RPS7: variants seen among roughly 807,000 people sequenced by gnomAD.
RPS7 encodes the protein small ribosomal subunit protein eS7.
RPS7 carries 1 observed loss-of-function variant against 22.1 expected under a neutral mutation model. The ratio of observed to expected loss-of-function variants is 0.05; its 90% CI spans 0.02 to 0.21. The LOEUF is 0.21. Ranked by LOEUF, RPS7 falls within the 10% of genes least tolerant of loss-of-function variation. The pLI, the probability that RPS7 is intolerant of heterozygous loss-of-function variation, is 1.00. For missense variants in RPS7, 137 were observed against 246.4 expected, an observed-to-expected ratio of 0.56 and a Z score of 2.97; for synonymous variants, 80 against 92.0, an observed-to-expected ratio of 0.87 and a Z score of 0.74.
At chr2:3,579,808 C>T (rs1421073274) in intron 5 of RPS7, 1 of 484,726 alleles carries the variant, frequency 2.1e-6, no homozygotes, top group Non-Finnish European at 3.7e-6. Flanking sequence ...TATAAAAGTC[C>T]TCTAATCTCA....
chr2:3,575,365 T>G lies in RPS7; in HGVS notation c.-19+15T>G. The stretch of plus-strand genomic sequence containing the variant: ...CGCTCGGCAAGGTAGGTTGGCGGCC[T>G]GCTCTCCGACAGAACTTTTCTTCTT... On this transcript the variant is annotated intron_variant, in intron 1 of 6. Coordinates refer to ENST00000645674, the MANE Select transcript of RPS7 (RefSeq NM_001011.4). The G allele has an allele frequency of 1.8e-6, 1 of 551,454 alleles. No individual in the cohort carries two copies. Among genetic ancestry groups the G allele is most frequent in the Non-Finnish European group, 3.2e-6 (1 of 312,436 alleles). The allele number at this position is 551,454 out of a possible 1,614,324, so 34.2% of individuals were successfully genotyped here.
intron 4 of RPS7, 35 bp from the exon 5 acceptor site, chr2:3,577,675 T>C (rs753130074): frequency 6.6e-7 from 1 of 1,506,518 alleles, no homozygotes; most frequent in South Asian, 1.1e-5. Context: ...TAAAGTCTTT[T>C]TTCATTTTGT....
At position 3,576,180 on chromosome 2, in the gene RPS7, A is replaced by G. The variant is rs1489212022; in HGVS notation, c.147+292A>G. ...CCCTTACTTAGTTATAGATACGGCA[A>G]AGAGCTGTGGGGAGCTCAGGATGAG... On this transcript the variant is annotated intron_variant, in intron 3 of 6. Transcript: ENST00000645674. 7.6e-5 allele frequency: 45 copies of G among 591,018 alleles called. 1 individual carries two copies. The Admixed American group carries it at 1.3e-3, about 16-fold the overall frequency. The allele number at this position is 591,018 out of a possible 1,614,324, so 36.6% of individuals were successfully genotyped here. A position where few individuals can be genotyped will look rare whatever the true frequency, so the allele number is the denominator to read the frequency against.
intron 3 of RPS7, 194 bp from the exon 4 acceptor site, chr2:3,576,293 C>G (rs62106032): frequency 1.5e-6 from 1 of 666,190 alleles, no homozygotes; most frequent in Non-Finnish European, 2.7e-6. Context: ...GTCTCCCTTC[C>G]TGGAATAAGG....
At chr2:3,580,502 G>T in intron 6 of RPS7, 3 of 636,054 alleles carry the variant, frequency 4.7e-6, no homozygotes, top group Non-Finnish European at 8.5e-6. Context: ...TGGTCTTTTA[G>T]TTAGGCTGTA....
intron 5 of RPS7, chr2:3,578,629 G>C (rs906765260): frequency 1.3e-5 from 2 of 152,178 alleles, no homozygotes; most frequent in African/African-American, 4.8e-5. Flanking sequence ...GTAGGTGCCA[G>C]CTTTTCTAGA....
Position 3,576,635 on chromosome 2 carries a change from C to G in RPS7, c.291+5C>G. On this transcript the variant is annotated splice_donor_5th_base_variant and intron_variant, in intron 4 of 6. Transcript: ENST00000645674. ...CATGTCGTCTTTATCGCTCAGGTATCTGTTCTACTGTTGCAGCACGTTTCT... is the reference window on the plus strand; with the variant it reads ...CATGTCGTCTTTATCGCTCAGGTATGTGTTCTACTGTTGCAGCACGTTTCT... 1 of 1,614,166 alleles carries G rather than the reference C, an allele frequency of 6.2e-7. No homozygotes were observed. The highest frequency in any genetic ancestry group is 8.5e-7 in the Non-Finnish European group (1 of 1,180,010).
In RPS7 at chr2:3,575,292, C is replaced by T; in HGVS notation, c.-77C>T. ...TGTTTCCGCCTCTTGCCTTCGGACGCCGGATTTTGACGTGCTCTCGCGAGA... is the reference window on the plus strand; with the variant it reads ...TGTTTCCGCCTCTTGCCTTCGGACGTCGGATTTTGACGTGCTCTCGCGAGA... On this transcript the variant is annotated 5_prime_UTR_variant, in exon 1 of 7. Transcript: ENST00000645674. 2 of 432,920 alleles carry T rather than the reference C, an allele frequency of 4.6e-6. No individual in the cohort carries two copies. The highest frequency in any genetic ancestry group is 8.4e-5 in the Admixed American group (2 of 23,690). 26.8% of individuals were successfully genotyped at this position (432,920 alleles called of 1,614,324 possible). A position where few individuals can be genotyped will look rare whatever the true frequency, so the allele number is the denominator to read the frequency against.
chr2:3,575,963 T>C, intron 3 of RPS7, 75 bp downstream of exon 3: 5 of 1,079,416 alleles, frequency 4.6e-6, no homozygotes, highest in Non-Finnish European at 7.0e-6. Context: ...GGGTTGGACC[T>C]GGGTTACGGT....
At position 3,576,499 on chromosome 2, in the gene RPS7, G is replaced by A. The variant is rs763773437; in HGVS notation, c.160G>A (p.Gly54Ser). 23 of 1,613,544 alleles carry A rather than the reference G, an allele frequency of 1.4e-5. No homozygotes were observed. In the South Asian group the frequency reaches 2.5e-4, roughly 18 times the overall value. ...NITAAKEIEV[G>S]GGRKAIIIFV... ...TTTTTTTCTTTAGGAAATTGAAGTT[G>A]GTGGTGGTCGGAAAGCTATCATAAT... The change falls in exon 4 of 7, where the codon GGT (glycine) becomes AGT (serine). Residue 54 changes from glycine (G) to serine (S), a missense_variant. By Grantham distance (56) the Gly-to-Ser change is moderately conservative (BLOSUM62 0). This residue lies in a region of RPS7 where 63 missense variants were observed against 75.0 expected (regional missense o/e 0.84). Transcript: ENST00000645674.
intron 4 of RPS7, 190 bp from the exon 5 acceptor site, chr2:3,577,520 T>TA: frequency 1.7e-6 from 1 of 603,358 alleles, no homozygotes; most frequent in Non-Finnish European, 3.0e-6. Flanking sequence ...CTGAATGATT[T>TA]ATTCAAGAAT....
chr2:3,577,649 C>T (rs1193062938), intron 4 of RPS7, 61 bp from the exon 5 acceptor site: 2 of 1,262,130 alleles, frequency 1.6e-6, no homozygotes, highest in Admixed American at 1.7e-5. Flanking sequence ...ATGGCAGTTA[C>T]AGCTTTTTGT....
chr2:3,576,161 C>T (rs1449663341), intron 3 of RPS7: 19 of 594,714 alleles, frequency 3.2e-5, no homozygotes, highest in East Asian at 8.5e-5. Flanking sequence ...TTTGCCCTTA[C>T]TTAGTTATAG....
rs747706059 is a variant in RPS7, at chr2:3,580,786, ATTCT to A, written c.508-12_508-9del. 4.7e-6 allele frequency: 7 copies of A among 1,490,184 alleles called. No homozygotes were observed. Among genetic ancestry groups the A allele is most frequent in the Admixed American group, 3.3e-5 (2 of 59,880 alleles). 92.3% of individuals were successfully genotyped at this position (1,490,184 alleles called of 1,614,324 possible). A position where few individuals can be genotyped will look rare whatever the true frequency, so the allele number is the denominator to read the frequency against. ...TGTGTATTTCAAAGTTCTGTGATGA[ATTCT>A]TTCTTTTCTTGTAGGTTGAAACTTT... On this transcript the variant is annotated splice_polypyrimidine_tract_variant and intron_variant, in intron 6 of 6. Coordinates refer to ENST00000645674, the MANE Select transcript of RPS7 (RefSeq NM_001011.4).
intron 3 of RPS7, 80 bp from the exon 4 acceptor site, chr2:3,576,407 G>A: frequency 8.0e-7 from 1 of 1,248,494 alleles, no homozygotes; most frequent in Non-Finnish European, 1.2e-6. Flanking sequence ...TTAGTGATAA[G>A]GTCTTCTTAT....
intron 4 of RPS7, chr2:3,576,864 C>A: frequency 1.7e-6 from 1 of 587,558 alleles, no homozygotes; most frequent in Non-Finnish European, 3.1e-6. Context: ...AAGACCCTGT[C>A]TACAAAAAAT....
chr2:3,578,055 A>G, intron 5 of RPS7: 1 of 428,558 alleles, frequency 2.3e-6, no homozygotes. Flanking sequence ...GAAGGAAATC[A>G]TTACTTTAAT....
chr2:3,576,345 T>C lies in RPS7; in HGVS notation c.148-142T>C, dbSNP rs190874187. ...GAGAGATGAGAACATTTCCGAAGGATGCATTTATGATTAACTCAAAACTAG... is the reference window on the plus strand; with the variant it reads ...GAGAGATGAGAACATTTCCGAAGGACGCATTTATGATTAACTCAAAACTAG... On this transcript the variant is annotated intron_variant, in intron 3 of 6. Coordinates refer to ENST00000645674, the MANE Select transcript of RPS7 (RefSeq NM_001011.4). 297 of 786,876 alleles carry C rather than the reference T, an allele frequency of 3.8e-4. No individual in the cohort carries two copies. The African/African-American group carries it at 4.5e-3, about 12-fold the overall frequency. The allele number at this position is 786,876 out of a possible 1,614,324, so 48.7% of individuals were successfully genotyped here.
chr2:3,577,536 AG>A, intron 4 of RPS7, 173 bp from the exon 5 acceptor site: 1 of 617,882 alleles, frequency 1.6e-6, no homozygotes, highest in Admixed American at 2.9e-5. Flanking sequence ...AGAATCAGGA[AG>A]TAACTCCATA....
Sources: allele counts gnomAD v4.1 joint callset, GRCh38; gene constraint gnomAD v4.1.1; regional missense constraint gnomAD v4.1.1; transcripts MANE v1.5; gene names NCBI Gene and HGNC (gene_info 2026-07-23, HGNC 2026-07-21).